Variants in SLC25A30 observed in about 807,000 individuals in gnomAD.
The protein encoded by SLC25A30 is kidney mitochondrial carrier protein 1.
A neutral mutation model predicts 42.7 loss-of-function variants in SLC25A30; 29 were observed. The observed-to-expected ratio is 0.68, with a 90% CI of 0.51 to 0.93. The LOEUF (loss-of-function observed/expected upper bound fraction) is 0.93, where lower values mean the gene tolerates loss of function less well. SLC25A30 is among the 40% of genes least tolerant of loss of function. The pLI is 0.00. For missense variants in SLC25A30, 300 were observed against 359.7 expected, an observed-to-expected ratio of 0.83 and a Z score of 1.34; for synonymous variants, 124 against 131.0, an observed-to-expected ratio of 0.95 and a Z score of 0.37.
the SLC25A30 span, among the ~76,000 whole-genome samples, chr13:45,423,747 TAA>T: frequency 1.3e-5 from 1 of 77,034 alleles, no homozygotes; most frequent in Non-Finnish European, 2.2e-5. Context: ...TATAAATATA[TAA>T]ATATATATAA....
chr13:45,393,718 CT>C lies in SLC25A30; in HGVS notation c.*2255del. The C allele has an allele frequency of 1.0e-6, 1 of 985,372 alleles. No homozygotes were observed. The highest frequency in any genetic ancestry group is 1.2e-6 in the Non-Finnish European group (1 of 829,906). The allele number at this position is 985,372 out of a possible 1,614,324, so 61.0% of individuals were successfully genotyped here. On this transcript the variant is annotated 3_prime_UTR_variant, in exon 10 of 10. Transcript: ENST00000519676. The stretch of plus-strand genomic sequence containing the variant: ...AGAAGCTTCAACAATTGCATTAACT[CT>C]TTCAAAAAAACAGAAAAAGCAGGTT...
chr13:45,400,033 T>TAC (rs71184413), intron 7 of SLC25A30, among the ~76,000 whole-genome samples: 32,941 of 122,832 alleles, frequency 0.27, 5,434 homozygotes, highest in East Asian at 0.51. Flanking sequence ...TATATATATA[T>TAC]ACACACACAC....
In SLC25A30 at chr13:45,403,722, G is replaced by C. The variant is rs1033236107; in HGVS notation, c.393+605C>G. Among the ~76,000 whole-genome samples, 3 of 152,198 alleles carry C rather than the reference G, an allele frequency of 2.0e-5. No homozygotes were observed. The East Asian group carries it at 5.8e-4, about 29-fold the overall frequency. On this transcript the variant is annotated intron_variant, in intron 5 of 9. Coordinates refer to ENST00000519676, the MANE Select transcript of SLC25A30 (RefSeq NM_001010875.4). ...GGAGGCCAAGGCGGGTGGATCATGA[G>C]GTCAGGAGTTCAAGACCAGCCTGGC...
chr13:45,418,382 G>A (rs1883731345), upstream of SLC25A30: 1 of 152,288 alleles, frequency 6.6e-6, no homozygotes, highest in Non-Finnish European at 1.5e-5. Context: ...AGGAAAAAAT[G>A]CCGTCGCGGG....
At chr13:45,401,367 C>T (rs1881966890) in intron 6 of SLC25A30, among the ~76,000 whole-genome samples, 160 bp from the exon 7 acceptor site, 1 of 152,164 alleles carries the variant, frequency 6.6e-6, no homozygotes, top group African/African-American at 2.4e-5. Context: ...GATCACAGAG[C>T]AAGAACTCAA....
upstream of SLC25A30, among the ~76,000 whole-genome samples, chr13:45,423,221 C>G (rs750451861): frequency 6.6e-5 from 10 of 151,848 alleles, no homozygotes; most frequent in Non-Finnish European, 1.3e-4. Flanking sequence ...GTCAAATTGT[C>G]TGTCCCTTCC....
chr13:45,425,112 ATATT>A, the SLC25A30 span, among the ~76,000 whole-genome samples: 4 of 83,422 alleles, frequency 4.8e-5, no homozygotes, highest in East Asian at 5.9e-4. Context: ...ATATATAAAT[ATATT>A]TATAAATATA....
chr13:45,423,751 T>TATATATAAAA, the SLC25A30 span, among the ~76,000 whole-genome samples: 1 of 13,282 alleles, frequency 7.5e-5, no homozygotes, highest in Non-Finnish European at 1.3e-4. Context: ...AATATATAAA[T>TATATATAAAA]ATATATAAAT....
At chr13:45,424,684 T>C in the SLC25A30 span, among the ~76,000 whole-genome samples, 1 of 71,612 alleles carries the variant, frequency 1.4e-5, no homozygotes, top group Non-Finnish European at 2.5e-5. Flanking sequence ...TAGTTATATA[T>C]AGATATATAT....
chr13:45,411,433 CTG>C lies in SLC25A30; in HGVS notation c.-10_-9del, dbSNP rs1883019019. 9 of 1,614,010 alleles carry C rather than the reference CTG, an allele frequency of 5.6e-6. No homozygotes were observed. Among genetic ancestry groups the C allele is most frequent in the Non-Finnish European group, 7.6e-6 (9 of 1,179,904 alleles). On this transcript the variant is annotated 5_prime_UTR_variant, in exon 2 of 10. Coordinates refer to ENST00000519676, the MANE Select transcript of SLC25A30 (RefSeq NM_001010875.4). The stretch of plus-strand genomic sequence containing the variant: ...CCAGTTGAGGGCTGACATTCTCACA[CTG>C]TCTCTTCTTTGATTTATAGAAACAT...
chr13:45,428,908 A>G, the SLC25A30 span, among the ~76,000 whole-genome samples: 1 of 152,008 alleles, frequency 6.6e-6, no homozygotes, highest in Non-Finnish European at 1.5e-5. Context: ...AAGAATAATG[A>G]TAACTTAAAA....
At chr13:45,427,784 G>A in the SLC25A30 span, among the ~76,000 whole-genome samples, 103 of 99,250 alleles carry the variant, frequency 1.0e-3, no homozygotes, top group African/African-American at 4.3e-3. Flanking sequence ...TCATTCTGTC[G>A]CCCAGGCGGA....
upstream of SLC25A30, among the ~76,000 whole-genome samples, chr13:45,420,077 T>C (rs115415148): frequency 9.7e-3 from 1,470 of 152,246 alleles, 28 homozygotes; most frequent in African/African-American, 0.033. Context: ...TTGCATCTGT[T>C]GATGCAAAGT....
chr13:45,425,244 A>G, the SLC25A30 span, among the ~76,000 whole-genome samples: 1 of 105,784 alleles, frequency 9.5e-6, no homozygotes, highest in African/African-American at 3.9e-5. Flanking sequence ...TTATACATAT[A>G]TAAATATATA....
At chr13:45,429,584 C>G in the SLC25A30 span, among the ~76,000 whole-genome samples, 1 of 151,894 alleles carries the variant, frequency 6.6e-6, no homozygotes, top group East Asian at 1.9e-4. Flanking sequence ...AATCCCAGCA[C>G]TTGGGAGGCT....
intron 1 of SLC25A30, among the ~76,000 whole-genome samples, chr13:45,415,535 G>A (rs887026677): frequency 3.3e-5 from 5 of 152,020 alleles, no homozygotes; most frequent in African/African-American, 1.2e-4. Flanking sequence ...TGGATCACTT[G>A]AGGTCAGGAG....
upstream of SLC25A30, chr13:45,420,486 T>G (rs1483826397): frequency 2.6e-5 from 4 of 152,270 alleles, no homozygotes; most frequent in Non-Finnish European, 5.9e-5. Context: ...TCTACCTCTC[T>G]CTCACCTCAC....
chr13:45,402,980 G>A (rs1882141735), intron 5 of SLC25A30: 1 of 220,350 alleles, frequency 4.5e-6, no homozygotes, highest in South Asian at 1.6e-4. Flanking sequence ...TAAGAATGAA[G>A]AAAGATTTTT....
Position 45,393,939 on chromosome 13 carries a change from T to C in SLC25A30, c.*2035A>G. On this transcript the variant is annotated 3_prime_UTR_variant, in exon 10 of 10. Transcript: ENST00000519676. ...TACATGGTCATTAAAATGAATTTGC[T>C]TCTACTGTTTTAAAAATTGTATGCA... The C allele has an allele frequency of 5.1e-6, 5 of 985,340 alleles. No individual in the cohort carries two copies. The highest frequency in any genetic ancestry group is 6.0e-6 in the Non-Finnish European group (5 of 829,846). 61.0% of individuals were successfully genotyped at this position (985,340 alleles called of 1,614,324 possible).
Sources: gnomAD v4.1 joint callset for allele counts (sites outside exome capture counted in the v4.1 genomes callset) on GRCh38, gnomAD v4.1.1 for gene constraint, MANE v1.5 for transcripts, NCBI Gene and HGNC (gene_info 2026-07-23, HGNC 2026-07-21) for gene names.